The following XXYLT1 variants were observed in gnomAD, a reference collection of about 807,000 sequenced individuals.
XXYLT1 encodes the protein UDP-xylose:alpha-xyloside alpha-1,3-xylosyltransferase.
XXYLT1 carries 20 observed loss-of-function variants against 28.9 expected under a neutral mutation model. That is an observed-to-expected ratio of 0.69 (90% confidence interval 0.49 to 1.00). The LOEUF is 1.00. Among genes scored for constraint, XXYLT1 ranks in the 50% least tolerant of loss-of-function variants. The pLI, the probability that XXYLT1 is intolerant of heterozygous loss-of-function variation, is 0.00. For missense variants in XXYLT1, 542 were observed against 560.1 expected, an observed-to-expected ratio of 0.97 and a Z score of 0.33; for synonymous variants, 257 against 253.8, an observed-to-expected ratio of 1.01 and a Z score of -0.12.
Position 195,096,492 on chromosome 3 carries a change from T to C in XXYLT1, c.786-26381A>G, listed in dbSNP as rs527433840. Among the ~76,000 whole-genome samples, 54 of 152,284 alleles carry C rather than the reference T, an allele frequency of 3.5e-4. 1 individual carries two copies. In the South Asian group the frequency reaches 0.011, roughly 30 times the overall value. On this transcript the variant is annotated intron_variant, in intron 3 of 3. Coordinates refer to ENST00000310380, the MANE Select transcript of XXYLT1 (RefSeq NM_152531.5). ...CACACGTGTACGTAACAGACGCACA[T>C]GCTGACAAACACACACGATACACAC...
chr3:195,259,464 A>G, intron 1 of XXYLT1: 2 of 550,678 alleles, frequency 3.6e-6, no homozygotes, highest in Non-Finnish European at 4.6e-6. Context: ...AGAGCCCTGG[A>G]TGGGAAGGCT....
Position 195,099,830 on chromosome 3 carries a change from CAAAA to C in XXYLT1, c.786-29723_786-29720del, listed in dbSNP as rs35428286. Among the ~76,000 whole-genome samples the C allele has an allele frequency of 3.3e-3, 320 of 97,218 alleles. 1 individual carries two copies. Among genetic ancestry groups the C allele is most frequent in the African/African-American group, 0.011 (308 of 29,104 alleles). The allele number at this position is 97,218 out of a possible 152,430, so 63.8% of individuals were successfully genotyped here. A position where few individuals can be genotyped will look rare whatever the true frequency, so the allele number is the denominator to read the frequency against. ...TGGGCGACACAGCGAGACTCTGTCT[CAAAA>C]AAAAAAAAAAAAAAAAATGCAGTAA... On this transcript the variant is annotated intron_variant, in intron 3 of 3. Transcript: ENST00000310380.
rs1056815857 is a variant in XXYLT1 at position 195,255,443 on chromosome 3, C to T, written c.504+15112G>A. ...GGCAATGGGTTGGAGGGAGCCATGA[C>T]TCTGGGCCTGCAGCTGAGGAGGCTG... On this transcript the variant is annotated intron_variant, in intron 1 of 3. Coordinates refer to ENST00000310380, the MANE Select transcript of XXYLT1 (RefSeq NM_152531.5). This position sits in a 1 kb window ranked among gnomAD's most constrained non-coding sequence, Gnocchi z 4.5. Among the ~76,000 whole-genome samples the T allele has an allele frequency of 1.7e-4, 25 of 151,100 alleles. No individual in the cohort carries two copies. Among genetic ancestry groups the T allele is most frequent in the African/African-American group, 5.1e-4 (21 of 41,422 alleles).
intron 3 of XXYLT1, among the ~76,000 whole-genome samples, chr3:195,127,229 C>A (rs1422568113): frequency 3.3e-5 from 5 of 152,052 alleles, no homozygotes; most frequent in Admixed American, 3.3e-4. Flanking sequence ...GGAGACACAG[C>A]AAAACTGGAA....
intron 2 of XXYLT1, among the ~76,000 whole-genome samples, chr3:195,183,279 C>T (rs752535472): frequency 2.0e-5 from 3 of 152,104 alleles, no homozygotes; most frequent in Non-Finnish European, 4.4e-5. Context: ...GGCAGTTTCC[C>T]CCACGCTGTT....
At chr3:195,121,948 C>T (rs774808000) in intron 3 of XXYLT1, 7 of 678,374 alleles carry the variant, frequency 1.0e-5, no homozygotes, top group Non-Finnish European at 1.6e-5. Flanking sequence ...ATCCTCCATT[C>T]CTCTTGTCTT....
At chr3:195,155,798 T>A (rs1720556056) in intron 3 of XXYLT1, among the ~76,000 whole-genome samples, 1 of 152,248 alleles carries the variant, frequency 6.6e-6, no homozygotes, top group Admixed American at 6.5e-5. Flanking sequence ...TTTTTTGCTG[T>A]TGCTGTATAG....
chr3:195,139,347 G>GA (rs1488011432), intron 3 of XXYLT1, among the ~76,000 whole-genome samples: 2 of 152,210 alleles, frequency 1.3e-5, no homozygotes, highest in African/African-American at 4.8e-5. Context: ...CTAAGAGGCG[G>GA]AAAATGATGT....
rs570837217 is a variant in XXYLT1, at chr3:195,109,700, G to A, written c.786-39589C>T. Among the ~76,000 whole-genome samples, 82 of 95,490 alleles carry A rather than the reference G, an allele frequency of 8.6e-4. 20 individuals are homozygous for A. The highest frequency in any genetic ancestry group is 3.0e-3 in the African/African-American group (68 of 22,336). 62.6% of individuals were successfully genotyped at this position (95,490 alleles called of 152,430 possible). ...TGTTGTATGAGTGTGTGTGGTGTCTGGTGTGTGTGGTGTATGAGTGTGCGT... is the reference window on the plus strand; with the variant it reads ...TGTTGTATGAGTGTGTGTGGTGTCTAGTGTGTGTGGTGTATGAGTGTGCGT... On this transcript the variant is annotated intron_variant, in intron 3 of 3. Coordinates refer to ENST00000310380, the MANE Select transcript of XXYLT1 (RefSeq NM_152531.5).
chr3:195,248,813 G>C (rs539206058), intron 1 of XXYLT1, among the ~76,000 whole-genome samples: 1 of 152,148 alleles, frequency 6.6e-6, no homozygotes, highest in Non-Finnish European at 1.5e-5. Flanking sequence ...CCAGCTACTC[G>C]GGAGGCTAAG....
chr3:195,246,018 C>T (rs754417869), intron 1 of XXYLT1, among the ~76,000 whole-genome samples: 6 of 152,278 alleles, frequency 3.9e-5, no homozygotes, highest in African/African-American at 7.2e-5. Flanking sequence ...TTTATAGCAA[C>T]GCAAAAATGG....
chr3:195,120,876 C>G (rs1279121797), intron 3 of XXYLT1, among the ~76,000 whole-genome samples: 2 of 152,222 alleles, frequency 1.3e-5, no homozygotes, highest in Non-Finnish European at 2.9e-5. Flanking sequence ...CAGCCCCCGC[C>G]CTGTTCCCAG....
chr3:195,156,977 G>A (rs529972539), intron 2 of XXYLT1, among the ~76,000 whole-genome samples: 1 of 152,176 alleles, frequency 6.6e-6, no homozygotes, highest in Non-Finnish European at 1.5e-5. Flanking sequence ...GGGCACAGTG[G>A]CTCACATCTG....
chr3:195,096,865 C>T (rs1294426459), intron 3 of XXYLT1, among the ~76,000 whole-genome samples: 1 of 152,232 alleles, frequency 6.6e-6, no homozygotes, highest in African/African-American at 2.4e-5. Context: ...AATGCCCACT[C>T]AGTCTTCCAA....
chr3:195,188,544 C>G (rs1468807368), intron 2 of XXYLT1, among the ~76,000 whole-genome samples: 1 of 152,224 alleles, frequency 6.6e-6, no homozygotes, highest in Non-Finnish European at 1.5e-5. Flanking sequence ...AGGTACTCCT[C>G]AAGGAGCAGT....
chr3:195,182,340 T>C (rs1721993490), intron 2 of XXYLT1, among the ~76,000 whole-genome samples: 1 of 152,214 alleles, frequency 6.6e-6, no homozygotes, highest in Non-Finnish European at 1.5e-5. Flanking sequence ...CTGCTGCTAT[T>C]ACCTGACGAG....
chr3:195,087,124 G>T (rs1047341099), intron 3 of XXYLT1: 8 of 152,394 alleles, frequency 5.2e-5, no homozygotes, highest in African/African-American at 1.9e-4. Context: ...CTGCCCGTGT[G>T]GCCCGTTGAC....
At chr3:195,258,576 A>C (rs900567826) in intron 1 of XXYLT1, among the ~76,000 whole-genome samples, 3 of 152,242 alleles carry the variant, frequency 2.0e-5, no homozygotes, top group African/African-American at 4.8e-5. Flanking sequence ...CAAAGGCTTC[A>C]TCATCCTGAC....
chr3:195,169,254 C>T (rs1484876957), intron 2 of XXYLT1, among the ~76,000 whole-genome samples: 1 of 152,254 alleles, frequency 6.6e-6, no homozygotes, highest in Non-Finnish European at 1.5e-5. Flanking sequence ...AGGCTCCATC[C>T]CGGCACGGCA....
Sources: allele counts gnomAD v4.1 joint callset (sites outside exome capture counted in the v4.1 genomes callset), GRCh38; gene constraint gnomAD v4.1.1; non-coding constraint Gnocchi (gnomAD v3.1); transcripts MANE v1.5; gene names NCBI Gene and HGNC (gene_info 2026-07-23, HGNC 2026-07-21).